The following GBP1 variants were observed in gnomAD, a reference collection of about 807,000 sequenced individuals.
GBP1 encodes the protein guanylate binding protein 1, also known as guanylate-binding protein 1.
In GBP1, 64 loss-of-function variants were observed where a neutral mutation model predicts 69.5. That is an observed-to-expected ratio of 0.92 (90% CI 0.75 to 1.13). GBP1 has a LOEUF of 1.13. Among genes scored for constraint, GBP1 ranks in the 50% most tolerant of loss-of-function variants. GBP1 has a pLI of 0.00. For synonymous variants in GBP1, 250 were observed against 261.2 expected (o/e 0.96, Z 0.41); for missense variants, 630 against 704.1 (o/e 0.89, Z 1.19).
intron 10 of GBP1, 31 bp from the exon 11 acceptor site, chr1:89,053,499 G>T: frequency 2.5e-6 from 4 of 1,595,414 alleles, no homozygotes; most frequent in Non-Finnish European, 3.4e-6. Context: ...GCTGAGTAAA[G>T]TGTAGCATCA....
chr1:89,054,498 A>C (rs909202174), intron 10 of GBP1, among the ~76,000 whole-genome samples, 184 bp downstream of exon 10: 2 of 152,260 alleles, frequency 1.3e-5, no homozygotes, highest in African/African-American at 4.8e-5. Context: ...GCAAATAAAA[A>C]ACTTTCAGTG....
In GBP1 at chr1:89,054,665, G is replaced by A. The variant is rs754174883; in HGVS notation, c.1665+17C>T. ...AAAACAGAAAAACAGAAACCTCAAG[G>A]TGATGCAATTAGATACCTGAAGTTT... On this transcript the variant is annotated intron_variant, in intron 10 of 10. Coordinates refer to ENST00000370473, the MANE Select transcript of GBP1 (RefSeq NM_002053.3). 4.4e-6 allele frequency: 7 copies of A among 1,604,700 alleles called. No homozygotes were observed. Among genetic ancestry groups the A allele is most frequent in the South Asian group, 3.3e-5 (3 of 90,660 alleles).
At chr1:89,060,769 C>T (rs1051834845) in intron 2 of GBP1, among the ~76,000 whole-genome samples, 10 of 152,236 alleles carry the variant, frequency 6.6e-5, no homozygotes, top group African/African-American at 2.2e-4. Flanking sequence ...GTAAAATTAT[C>T]TCTGTCTGCT....
intron 6 of GBP1, 150 bp from the exon 7 acceptor site, chr1:89,057,284 C>A: frequency 1.8e-6 from 2 of 1,132,454 alleles, no homozygotes; most frequent in East Asian, 2.6e-5. Flanking sequence ...GACTCTCAGA[C>A]CCTGTCCGAG....
At position 89,058,973 on chromosome 1, in the gene GBP1, C is replaced by A. The variant is rs1680113454; in HGVS notation, c.499G>T (p.Asp167Tyr). The change falls in exon 5 of 11, where the codon GAT (aspartate) becomes TAT (tyrosine). Residue 167 changes from aspartate (D) to tyrosine (Y), a missense_variant. Physicochemically the swap from Asp to Tyr is radical, Grantham distance 160. Transcript: ENST00000370473. ...AAGAAGCTCACAAAGTCAGCTGAATCCTCAACCTCATTCTCATTCTCATCA... is the reference window on the plus strand; with the variant it reads ...AAGAAGCTCACAAAGTCAGCTGAATACTCAACCTCATTCTCATTCTCATCA... ...SPDENENEVE[D>Y]SADFVSFFPD... is the part of the protein sequence containing the mutation. 3.7e-6 allele frequency: 6 copies of A among 1,614,176 alleles called. No homozygotes were observed. Among genetic ancestry groups the A allele is most frequent in the Non-Finnish European group, 5.1e-6 (6 of 1,180,030 alleles).
intron 6 of GBP1, among the ~76,000 whole-genome samples, chr1:89,057,539 G>T (rs903808880): frequency 5.9e-5 from 9 of 152,314 alleles, no homozygotes; most frequent in African/African-American, 1.9e-4. Flanking sequence ...CAATAAAAAA[G>T]AGTCATCCAT....
intron 5 of GBP1, 31 bp downstream of exon 5, chr1:89,058,810 T>C: frequency 6.2e-7 from 1 of 1,606,168 alleles, no homozygotes; most frequent in South Asian, 1.1e-5. Context: ...TGTTTTCTCA[T>C]CCTCATTTAT....
chr1:89,062,537 A>G (rs1680225519), intron 2 of GBP1, among the ~76,000 whole-genome samples: 1 of 152,220 alleles, frequency 6.6e-6, no homozygotes, highest in Non-Finnish European at 1.5e-5. Context: ...CTGTTAGGCA[A>G]GATGAAAGAT....
intron 1 of GBP1, among the ~76,000 whole-genome samples, chr1:89,064,497 A>G (rs1680287267): frequency 6.6e-6 from 1 of 152,190 alleles, no homozygotes; most frequent in African/African-American, 2.4e-5. Flanking sequence ...TCAGTGAAGC[A>G]GTGGGGTTGA....
chr1:89,061,724 C>G (rs1680203273), intron 2 of GBP1, among the ~76,000 whole-genome samples: 1 of 151,922 alleles, frequency 6.6e-6, no homozygotes, highest in African/African-American at 2.4e-5. Flanking sequence ...AAAAAGGCAA[C>G]ACACGGAATG....
In GBP1 at chr1:89,055,180, C is replaced by T. The variant is rs1406409227; in HGVS notation, c.1404G>A (p.Lys468=). 3.7e-5 allele frequency: 59 copies of T among 1,611,912 alleles called. No homozygotes were observed. The highest frequency in any genetic ancestry group is 4.7e-5 in the Non-Finnish European group (55 of 1,179,488). The change falls in exon 9 of 11, where the codon AAG becomes AAA. Residue 468 remains lysine (K), a synonymous_variant. Transcript: ENST00000370473. ...GGAGAATTGCATCAGTCATAGACTC[C>T]TTGGATTTCAAGTATGTCTGCAGAA... ...EEILQTYLKS[K]ESMTDAILQT...
chr1:89,060,044 C>T (rs1478729631), intron 3 of GBP1, among the ~76,000 whole-genome samples, 153 bp downstream of exon 3: 2 of 152,228 alleles, frequency 1.3e-5, no homozygotes, highest in Non-Finnish European at 2.9e-5. Flanking sequence ...CAGGATAAGA[C>T]TTATGACACT....
chr1:89,057,944 C>T (rs770204379), intron 6 of GBP1, 48 bp downstream of exon 6: 4 of 1,536,110 alleles, frequency 2.6e-6, no homozygotes, highest in Non-Finnish European at 3.5e-6. Context: ...TTATTCTATG[C>T]TCCTCTAGTC....
At chr1:89,054,382 G>A (rs1427006332) in intron 10 of GBP1, among the ~76,000 whole-genome samples, 2 of 143,020 alleles carry the variant, frequency 1.4e-5, no homozygotes, top group East Asian at 4.2e-4. Context: ...TTACAGGCGT[G>A]AGCCACAATG....
intron 10 of GBP1, among the ~76,000 whole-genome samples, chr1:89,054,061 G>T (rs1408599202): frequency 1.3e-5 from 2 of 152,110 alleles, no homozygotes; most frequent in Non-Finnish European, 2.9e-5. Context: ...CTTCTTCTAA[G>T]TAATAAGGAT....
intron 4 of GBP1, 39 bp downstream of exon 4, chr1:89,059,278 C>T (rs1380744670): frequency 1.2e-6 from 2 of 1,613,998 alleles, no homozygotes; most frequent in Non-Finnish European, 1.7e-6. Context: ...ACAGGTGTCC[C>T]CTCTGACCTT....
At position 89,061,700 on chromosome 1, in the gene GBP1, T is replaced by TA. The variant is rs1291387822; in HGVS notation, c.190+1344dup. On this transcript the variant is annotated intron_variant, in intron 2 of 10. Coordinates refer to ENST00000370473, the MANE Select transcript of GBP1 (RefSeq NM_002053.3). ...AAAACTTTTGTGTATTAACGGACACTATCAACAGAGTTAAAAAAGGCAACA... is the reference window on the plus strand; with the variant it reads ...AAAACTTTTGTGTATTAACGGACACTAATCAACAGAGTTAAAAAAGGCAACA... Among the ~76,000 whole-genome samples, 3 of 152,102 alleles carry TA rather than the reference T, an allele frequency of 2.0e-5. No individual in the cohort carries two copies. In the East Asian group the frequency reaches 5.8e-4, roughly 29 times the overall value.
In GBP1 at chr1:89,052,879, T is replaced by A. The variant is rs929921986; in HGVS notation, c.*476A>T. 6 of 152,834 alleles carry A rather than the reference T, an allele frequency of 3.9e-5. No individual in the cohort carries two copies. The highest frequency in any genetic ancestry group is 1.4e-4 in the African/African-American group (6 of 41,598). The allele number at this position is 152,834 out of a possible 1,614,324, so 9.5% of individuals were successfully genotyped here. A position where few individuals can be genotyped will look rare whatever the true frequency, so the allele number is the denominator to read the frequency against. The stretch of plus-strand genomic sequence containing the variant: ...TTAGCTTGAAATCATCAGTGAGGAT[T>A]ATACATGGGCAATGTCCAGAAATCA... On this transcript the variant is annotated 3_prime_UTR_variant, in exon 11 of 11. Coordinates refer to ENST00000370473, the MANE Select transcript of GBP1 (RefSeq NM_002053.3).
chr1:89,055,660 C>G, intron 8 of GBP1: 1 of 389,696 alleles, frequency 2.6e-6, no homozygotes, highest in South Asian at 2.5e-5. Flanking sequence ...TTAGACCCAC[C>G]TGACCTGTAA....
Sources: allele counts gnomAD v4.1 joint callset (sites outside exome capture counted in the v4.1 genomes callset), GRCh38; gene constraint gnomAD v4.1.1; transcripts MANE v1.5; gene names NCBI Gene and HGNC (gene_info 2026-07-23, HGNC 2026-07-21).